Variants in CLDN10 observed in about 807,000 individuals in gnomAD.
The protein encoded by CLDN10 is claudin 10.
A neutral mutation model predicts 22.9 loss-of-function variants in CLDN10; 15 were observed. That is an observed-to-expected ratio of 0.65 (90% confidence interval 0.44 to 1.01). CLDN10 has a LOEUF of 1.01. Ranked by LOEUF, CLDN10 falls within the 50% of genes least tolerant of loss-of-function variation. The pLI, the probability that CLDN10 is intolerant of heterozygous loss-of-function variation, is 0.00. For missense variants in CLDN10, 247 were observed against 287.8 expected, an observed-to-expected ratio of 0.86 and a Z score of 1.03; for synonymous variants, 114 against 111.4, an observed-to-expected ratio of 1.02 and a Z score of -0.15.
At chr13:95,503,876 A>C (rs941345675) in intron 1 of CLDN10, among the ~76,000 whole-genome samples, 3 of 152,240 alleles carry the variant, frequency 2.0e-5, no homozygotes, top group Non-Finnish European at 2.9e-5. Context: ...ACAGAGTTTC[A>C]GTTCTGCAAG....
At chr13:95,462,417 T>G (rs1313163743) in intron 1 of CLDN10, among the ~76,000 whole-genome samples, 1 of 152,256 alleles carries the variant, frequency 6.6e-6, no homozygotes, top group Admixed American at 6.5e-5. Context: ...ATTGACTTCA[T>G]GTCATCATTC....
chr13:95,478,063 T>C (rs570964784), intron 1 of CLDN10, among the ~76,000 whole-genome samples: 2 of 152,178 alleles, frequency 1.3e-5, no homozygotes, highest in Non-Finnish European at 2.9e-5. Context: ...TCCAGCACTT[T>C]GGGAGGCTGA....
At chr13:95,527,230 T>C (rs1226682518) in intron 1 of CLDN10, among the ~76,000 whole-genome samples, 1 of 152,240 alleles carries the variant, frequency 6.6e-6, no homozygotes, top group Non-Finnish European at 1.5e-5. Context: ...TTACTGTTCA[T>C]GAATGCTATT....
At chr13:95,440,268 C>A (rs2042312298) in intron 1 of CLDN10, among the ~76,000 whole-genome samples, 1 of 152,188 alleles carries the variant, frequency 6.6e-6, no homozygotes, top group Non-Finnish European at 1.5e-5. Flanking sequence ...CCTTTCCATT[C>A]TCTAAGATCC....
At chr13:95,500,156 G>A (rs1398104557) in intron 1 of CLDN10, among the ~76,000 whole-genome samples, 7 of 151,840 alleles carry the variant, frequency 4.6e-5, no homozygotes, top group Non-Finnish European at 5.9e-5. Context: ...ATATATCCTC[G>A]AATAAAGCCC....
intron 1 of CLDN10, among the ~76,000 whole-genome samples, chr13:95,531,656 A>G (rs2043343809): frequency 6.6e-6 from 1 of 150,826 alleles, no homozygotes; most frequent in African/African-American, 2.4e-5. Flanking sequence ...TCCCCTCTCA[A>G]GTAACTGAGA....
intron 1 of CLDN10, among the ~76,000 whole-genome samples, chr13:95,500,870 G>A (rs1170198615): frequency 6.6e-6 from 1 of 152,080 alleles, no homozygotes; most frequent in Non-Finnish European, 1.5e-5. Context: ...GATTTGAATG[G>A]AAGGGTGACA....
chr13:95,433,848 G>C (rs539415703), exon 1 of CLDN10: 1 of 1,614,136 alleles, frequency 6.2e-7, no homozygotes, highest in South Asian at 1.1e-5. Context: ...CCAGGGCGCA[G>C]ATCTGGGCTC....
At chr13:95,447,348 G>A (rs182173206) in intron 1 of CLDN10, among the ~76,000 whole-genome samples, 4 of 152,272 alleles carry the variant, frequency 2.6e-5, no homozygotes. Flanking sequence ...CTTCCTTGAC[G>A]CGGCGCCTGG....
In CLDN10 at chr13:95,570,831, C is replaced by T. The variant is rs139615046; in HGVS notation, c.465-6400C>T. ...TAATTTAAAAATGTATATATATATA[C>T]ACACACACACACACACATATACGTG... On this transcript the variant is annotated intron_variant, in intron 3 of 4. Transcript: ENST00000299339. Among the ~76,000 whole-genome samples, 766 of 114,700 alleles carry T rather than the reference C, an allele frequency of 6.7e-3. 5 individuals carry two copies. The highest frequency in any genetic ancestry group is 0.022 in the African/African-American group (711 of 31,610). 75.2% of individuals were successfully genotyped at this position (114,700 alleles called of 152,430 possible). A position where few individuals can be genotyped will look rare whatever the true frequency, so the allele number is the denominator to read the frequency against.
intron 3 of CLDN10, among the ~76,000 whole-genome samples, chr13:95,574,805 A>T (rs1431771040): frequency 1.3e-5 from 2 of 152,220 alleles, no homozygotes; most frequent in Non-Finnish European, 2.9e-5. Flanking sequence ...GGATATATTT[A>T]AAAAGATATT....
chr13:95,477,943 A>G (rs906899026), intron 1 of CLDN10, among the ~76,000 whole-genome samples: 2 of 152,204 alleles, frequency 1.3e-5, no homozygotes, highest in African/African-American at 4.8e-5. Context: ...GTGAAAAGAA[A>G]TGAGATCTTT....
chr13:95,500,422 C>G (rs927385583), intron 1 of CLDN10, among the ~76,000 whole-genome samples: 1 of 152,318 alleles, frequency 6.6e-6, no homozygotes, highest in African/African-American at 2.4e-5. Context: ...GCAGAGGGAA[C>G]AGCAAATGCC....
chr13:95,541,676 A>G (rs1276981042), intron 1 of CLDN10, among the ~76,000 whole-genome samples: 1 of 152,052 alleles, frequency 6.6e-6, no homozygotes, highest in Non-Finnish European at 1.5e-5. Context: ...CACTTTTTAG[A>G]CGGGAAAAAT....
chr13:95,512,726 C>T (rs1252368542), intron 1 of CLDN10, among the ~76,000 whole-genome samples: 2 of 152,200 alleles, frequency 1.3e-5, no homozygotes, highest in African/African-American at 4.8e-5. Flanking sequence ...GAGCACTGCA[C>T]TTGTGTGTCC....
intron 1 of CLDN10, among the ~76,000 whole-genome samples, chr13:95,522,902 C>T (rs1039593308): frequency 3.3e-5 from 5 of 151,748 alleles, no homozygotes; most frequent in African/African-American, 4.8e-5. Flanking sequence ...CATTATATAT[C>T]TTTTTCATTT....
intron 1 of CLDN10, among the ~76,000 whole-genome samples, chr13:95,523,463 C>A (rs2043242838): frequency 6.6e-6 from 1 of 152,118 alleles, no homozygotes; most frequent in Non-Finnish European, 1.5e-5. Context: ...ATTGTCCTTC[C>A]TGCCTCTTCA....
chr13:95,494,790 A>G lies in CLDN10; in HGVS notation c.214+60743A>G, dbSNP rs555864842. Among the ~76,000 whole-genome samples, 4 of 152,288 alleles carry G rather than the reference A, an allele frequency of 2.6e-5. No homozygotes were observed. In the East Asian group the frequency reaches 7.7e-4, roughly 29 times the overall value. On this transcript the variant is annotated intron_variant, in intron 1 of 4. Transcript: ENST00000376873. The stretch of plus-strand genomic sequence containing the variant: ...AGATACGGACAGGGCCTTTAAGACC[A>G]CCTAGTCTGGCCCCATCATCTGACA...
chr13:95,449,466 G>A (rs1467631938), intron 1 of CLDN10, among the ~76,000 whole-genome samples: 1 of 152,076 alleles, frequency 6.6e-6, no homozygotes, highest in African/African-American at 2.4e-5. Context: ...GGCCAGACTG[G>A]TCTCGAACTC....
Sources: allele counts gnomAD v4.1 joint callset (sites outside exome capture counted in the v4.1 genomes callset), GRCh38; gene constraint gnomAD v4.1.1; transcripts MANE v1.5; gene names NCBI Gene and HGNC (gene_info 2026-07-23, HGNC 2026-07-21).